The following NAALADL2 variants were observed in gnomAD, a reference collection of about 807,000 sequenced individuals.
NAALADL2 encodes the protein N-acetylated alpha-linked acidic dipeptidase like 2, also known as inactive N-acetylated-alpha-linked acidic dipeptidase-like protein 2.
Under a neutral mutation model 87.2 loss-of-function variants are expected in NAALADL2, and 76 were observed. The observed-to-expected ratio is 0.87, with a 90% CI of 0.72 to 1.05. The LOEUF (loss-of-function observed/expected upper bound fraction) is 1.05, where lower values mean the gene tolerates loss of function less well. Among genes scored for constraint, NAALADL2 ranks in the 50% least tolerant of loss-of-function variants. The pLI is 0.00. For synonymous variants in NAALADL2, 354 were observed against 331.0 expected (o/e 1.07, Z -0.75); for missense variants, 1,089 against 945.8 (o/e 1.15, Z -1.99).
intron 10 of NAALADL2, among the ~76,000 whole-genome samples, chr3:175,593,630 T>C (rs895574575): frequency 6.6e-6 from 1 of 152,194 alleles, no homozygotes; most frequent in Non-Finnish European, 1.5e-5. Context: ...CATGCTTTGC[T>C]TTTAGCTTTT....
intron 11 of NAALADL2, among the ~76,000 whole-genome samples, chr3:175,639,818 G>A (rs185227730): frequency 3.9e-4 from 59 of 152,238 alleles, no homozygotes; most frequent in Non-Finnish European, 5.6e-4. Context: ...ACCAACCCCA[G>A]TTTGGAAGAA....
intron 1 of NAALADL2, among the ~76,000 whole-genome samples, chr3:174,932,346 C>T (rs916007642): frequency 6.6e-6 from 1 of 152,166 alleles, no homozygotes; most frequent in African/African-American, 2.4e-5. Flanking sequence ...AAAATCAAGA[C>T]ATCAACAACA....
chr3:175,634,534 G>A (rs1042002187), intron 11 of NAALADL2, among the ~76,000 whole-genome samples: 1 of 151,764 alleles, frequency 6.6e-6, no homozygotes, highest in Non-Finnish European at 1.5e-5. Flanking sequence ...TAAAGTAAAA[G>A]AAAAAGAAAG....
At chr3:174,834,733 A>G (rs1723134422) in intron 3 of NAALADL2, among the ~76,000 whole-genome samples, 1 of 151,908 alleles carries the variant, frequency 6.6e-6, no homozygotes, top group Admixed American at 6.6e-5. Flanking sequence ...AGACAAATTT[A>G]AGAAAAAATA....
At chr3:175,360,052 C>G (rs1268467992) in intron 5 of NAALADL2, among the ~76,000 whole-genome samples, 2 of 152,068 alleles carry the variant, frequency 1.3e-5, no homozygotes, top group African/African-American at 2.4e-5. Context: ...TATTGAGTAT[C>G]CTTACATCCA....
rs1273402315 is a variant in NAALADL2 at position 175,274,548 on chromosome 3, C to T, written c.939+18018C>T. On this transcript the variant is annotated intron_variant, in intron 4 of 13. Coordinates refer to ENST00000454872, the MANE Select transcript of NAALADL2 (RefSeq NM_207015.3). ...TTTAACATGCCCCAGTTTGCTTCTT[C>T]CTTTCAGAATGCTCAGCCTATCAGA... Among the ~76,000 whole-genome samples, 4 of 152,126 alleles carry T rather than the reference C, an allele frequency of 2.6e-5. No homozygotes were observed. In the South Asian group the frequency reaches 8.3e-4, roughly 31 times the overall value.
At chr3:175,697,690 T>G (rs1412892761) in intron 11 of NAALADL2, among the ~76,000 whole-genome samples, 1 of 150,370 alleles carries the variant, frequency 6.7e-6, no homozygotes, top group Non-Finnish European at 1.5e-5. Flanking sequence ...TTCAACTGAC[T>G]TATTATTAAA....
At chr3:174,684,504 T>C (rs1727851852) in intron 2 of NAALADL2, among the ~76,000 whole-genome samples, 1 of 152,168 alleles carries the variant, frequency 6.6e-6, no homozygotes, top group Non-Finnish European at 1.5e-5. Context: ...AGGAATATAA[T>C]TGACTTTCTT....
chr3:175,086,392 A>T (rs1718915843), intron 1 of NAALADL2, among the ~76,000 whole-genome samples: 1 of 152,074 alleles, frequency 6.6e-6, no homozygotes, highest in Admixed American at 6.5e-5. Context: ...TATAAATTTA[A>T]AAATAGAGGG....
At chr3:174,780,204 T>G (rs1229943353) in intron 3 of NAALADL2, among the ~76,000 whole-genome samples, 3 of 152,190 alleles carry the variant, frequency 2.0e-5, no homozygotes, top group Non-Finnish European at 2.9e-5. Flanking sequence ...GTAAGTTGTA[T>G]TCCTGCAAAT....
intron 1 of NAALADL2, among the ~76,000 whole-genome samples, chr3:174,954,963 C>T (rs544262778): frequency 6.0e-5 from 9 of 148,958 alleles, no homozygotes; most frequent in East Asian, 4.0e-4. Context: ...TTTCTACATC[C>T]GTTAACAACA....
chr3:175,737,729 T>C (rs1002510618), intron 12 of NAALADL2, among the ~76,000 whole-genome samples: 1 of 142,380 alleles, frequency 7.0e-6, no homozygotes, highest in Admixed American at 7.0e-5. Context: ...TTTTTTTTTT[T>C]TTTTTTTTTT....
At chr3:175,684,378 C>G (rs532008198) in intron 11 of NAALADL2, among the ~76,000 whole-genome samples, 84 of 152,236 alleles carry the variant, frequency 5.5e-4, no homozygotes, top group African/African-American at 1.9e-3. Flanking sequence ...CTCATAATCA[C>G]ATTTCTATCA....
intron 13 of NAALADL2, among the ~76,000 whole-genome samples, chr3:175,797,004 A>G (rs1753578115): frequency 6.6e-6 from 1 of 151,912 alleles, no homozygotes; most frequent in Non-Finnish European, 1.5e-5. Context: ...TCAGTTGAGT[A>G]AAGATATTTC....
chr3:175,562,428 T>A (rs939202711), intron 9 of NAALADL2, among the ~76,000 whole-genome samples: 4 of 152,034 alleles, frequency 2.6e-5, no homozygotes, highest in Non-Finnish European at 5.9e-5. Flanking sequence ...ATATGACATA[T>A]TTTTAAATGT....
At chr3:174,745,649 C>T (rs1401393430) in intron 3 of NAALADL2, among the ~76,000 whole-genome samples, 1 of 151,936 alleles carries the variant, frequency 6.6e-6, no homozygotes, top group African/African-American at 2.4e-5. Context: ...AAAAAGAAAA[C>T]TTCAGCCAAT....
intron 11 of NAALADL2, among the ~76,000 whole-genome samples, chr3:175,712,290 C>T (rs926761686): frequency 2.0e-5 from 3 of 151,896 alleles, no homozygotes; most frequent in African/African-American, 4.8e-5. Context: ...TTATATCATC[C>T]GTCTGCATGG....
intron 1 of NAALADL2, among the ~76,000 whole-genome samples, chr3:174,937,190 C>T (rs953792268): frequency 1.3e-5 from 2 of 152,004 alleles, no homozygotes; most frequent in East Asian, 3.9e-4. Flanking sequence ...AGTAATGAAC[C>T]TTTCACTGGT....
intron 2 of NAALADL2, among the ~76,000 whole-genome samples, chr3:175,166,087 CA>C (rs537106231): frequency 1.8e-3 from 264 of 148,962 alleles, no homozygotes; most frequent in African/African-American, 6.0e-3. Context: ...AAAAATCTTA[CA>C]AAAAAAACTT....
Sources: gnomAD v4.1 joint callset for allele counts (sites outside exome capture counted in the v4.1 genomes callset) on GRCh38, gnomAD v4.1.1 for gene constraint, MANE v1.5 for transcripts, NCBI Gene and HGNC (gene_info 2026-07-23, HGNC 2026-07-21) for gene names.